The following CADM1 variants were observed in gnomAD, a reference collection of about 807,000 sequenced individuals.
The protein encoded by CADM1 is cell adhesion molecule 1.
A neutral mutation model predicts 53.1 loss-of-function variants in CADM1; 15 were observed. That is an observed-to-expected ratio of 0.28 (90% CI 0.19 to 0.44). The LOEUF (loss-of-function observed/expected upper bound fraction) is 0.44. Ranked by LOEUF, CADM1 falls within the 20% of genes least tolerant of loss-of-function variation. The pLI, the probability that CADM1 is intolerant of heterozygous loss-of-function variation, is 1.00. For missense variants in CADM1, 434 were observed against 611.3 expected, an observed-to-expected ratio of 0.71 and a Z score of 3.06; for synonymous variants, 281 against 243.0, an observed-to-expected ratio of 1.16 and a Z score of -1.45.
At position 115,453,367 on chromosome 11, in the gene CADM1, C is replaced by A. The variant is rs221315; in HGVS notation, c.124+50904G>T. ...GTGACAAGAGTGAAACCCTATACCCCCCTCGCCCCCAAAAAAAACCAAAAA... is the reference window on the plus strand; with the variant it reads ...GTGACAAGAGTGAAACCCTATACCCACCTCGCCCCCAAAAAAAACCAAAAA... On this transcript the variant is annotated intron_variant, in intron 1 of 11. Coordinates refer to ENST00000331581, the MANE Select transcript of CADM1 (RefSeq NM_001301043.2). 2.5e-3 allele frequency among the ~76,000 whole-genome samples: 373 copies of A among 147,730 alleles called. 1 individual carries two copies. The highest frequency in any genetic ancestry group is 8.3e-3 in the African/African-American group (338 of 40,752).
At chr11:115,362,552 T>A (rs76199325) in intron 1 of CADM1, among the ~76,000 whole-genome samples, 462 of 152,324 alleles carry the variant, frequency 3.0e-3, no homozygotes, top group African/African-American at 0.01. Context: ...AGAAATTTAC[T>A]TAAAACTGTT....
chr11:115,410,404 T>C (rs1455036486), intron 1 of CADM1, among the ~76,000 whole-genome samples: 1 of 152,190 alleles, frequency 6.6e-6, no homozygotes, highest in Non-Finnish European at 1.5e-5. Flanking sequence ...CTCTATAATG[T>C]TGTACCCTTG....
At chr11:115,202,055 G>C (rs1201253738) in intron 8 of CADM1, among the ~76,000 whole-genome samples, 1 of 152,002 alleles carries the variant, frequency 6.6e-6, no homozygotes, top group African/African-American at 2.4e-5. Context: ...TAGTCTCCTA[G>C]TCCTACAGTT....
intron 1 of CADM1, among the ~76,000 whole-genome samples, chr11:115,404,217 T>C (rs1217618551): frequency 6.8e-6 from 1 of 148,056 alleles, no homozygotes; most frequent in African/African-American, 2.5e-5. Context: ...TCCCAGATAC[T>C]TGGGAGGCTG....
At position 115,232,239 on chromosome 11, in the gene CADM1, C is replaced by T. The variant is rs561121718; in HGVS notation, c.425-749G>A. ...TTCAAATGAAAGATTCCAAAGTCAACGGAGCAAAGATAAAAATCTTTGAGT... is the reference window on the plus strand; with the variant it reads ...TTCAAATGAAAGATTCCAAAGTCAATGGAGCAAAGATAAAAATCTTTGAGT... On this transcript the variant is annotated intron_variant, in intron 3 of 11. Transcript: ENST00000331581. 1.4e-4 allele frequency among the ~76,000 whole-genome samples: 22 copies of T among 152,238 alleles called. No homozygotes were observed. The South Asian group carries it at 2.7e-3, about 19-fold the overall frequency.
At chr11:115,238,407 A>T in intron 3 of CADM1, 93 bp downstream of exon 3, 1 of 1,343,492 alleles carries the variant, frequency 7.4e-7, no homozygotes, top group Middle Eastern at 2.1e-4. Context: ...AACAAGTTTG[A>T]ACAGGAGAAT....
At chr11:115,191,770 C>T (rs1351933669) in intron 9 of CADM1, among the ~76,000 whole-genome samples, 1 of 152,184 alleles carries the variant, frequency 6.6e-6, no homozygotes, top group Non-Finnish European at 1.5e-5. Flanking sequence ...TATTTAATAA[C>T]ACAAAATGTT....
chr11:115,427,806 A>G (rs1947929212), intron 1 of CADM1, among the ~76,000 whole-genome samples: 1 of 152,010 alleles, frequency 6.6e-6, no homozygotes, highest in African/African-American at 2.4e-5. Context: ...CAGGAAATAA[A>G]GACCATCCTG....
intron 1 of CADM1, among the ~76,000 whole-genome samples, chr11:115,426,548 C>G (rs1393258095): frequency 6.6e-6 from 1 of 152,158 alleles, no homozygotes; most frequent in Non-Finnish European, 1.5e-5. Flanking sequence ...ATTTTGCCTC[C>G]AGATCCTCTT....
intron 1 of CADM1, among the ~76,000 whole-genome samples, chr11:115,423,263 A>C (rs1591216550): frequency 6.6e-6 from 1 of 152,274 alleles, no homozygotes; most frequent in South Asian, 2.1e-4. Flanking sequence ...GTATTTACAA[A>C]CCACAGTAAT....
chr11:115,240,227 T>G (rs776312374), intron 2 of CADM1, 47 bp downstream of exon 2: 1 of 1,590,366 alleles, frequency 6.3e-7, no homozygotes, highest in Non-Finnish European at 8.6e-7. Flanking sequence ...CAAGACAACA[T>G]GTAGGTAAAA....
At chr11:115,414,748 C>T (rs1328005771) in intron 1 of CADM1, among the ~76,000 whole-genome samples, 2 of 107,456 alleles carry the variant, frequency 1.9e-5, no homozygotes, top group Non-Finnish European at 3.7e-5. Context: ...AGAAAAATTG[C>T]CCTGGAAAAC....
chr11:115,181,093 C>T (rs1268805556), intron 10 of CADM1, among the ~76,000 whole-genome samples: 1 of 146,848 alleles, frequency 6.8e-6, no homozygotes, highest in Non-Finnish European at 1.5e-5. Context: ...GGGGAAGACA[C>T]TATCTTGTCC....
intron 1 of CADM1, among the ~76,000 whole-genome samples, chr11:115,376,851 C>G (rs1469767742): frequency 6.6e-6 from 1 of 152,174 alleles, no homozygotes; most frequent in Non-Finnish European, 1.5e-5. Flanking sequence ...TGGTGTCTCT[C>G]TGAGTCTCCA....
intron 1 of CADM1, among the ~76,000 whole-genome samples, chr11:115,501,827 T>C (rs1055926827): frequency 1.3e-5 from 2 of 152,158 alleles, no homozygotes; most frequent in African/African-American, 2.4e-5. Context: ...GAAAAGTCCC[T>C]TGGTGCCCAC....
intron 1 of CADM1, among the ~76,000 whole-genome samples, chr11:115,330,241 C>T (rs1303223990): frequency 1.3e-5 from 2 of 151,944 alleles, no homozygotes; most frequent in African/African-American, 2.4e-5. Context: ...ATTTTATCTA[C>T]TATAATTTTC....
At chr11:115,359,067 T>A (rs191448717) in intron 1 of CADM1, among the ~76,000 whole-genome samples, 45 of 152,320 alleles carry the variant, frequency 3.0e-4, no homozygotes, top group African/African-American at 1.1e-3. Flanking sequence ...CATACATGCA[T>A]TACCATCTTG....
intron 1 of CADM1, among the ~76,000 whole-genome samples, chr11:115,284,152 G>A (rs1943669155): frequency 7.2e-6 from 1 of 139,608 alleles, no homozygotes; most frequent in African/African-American, 2.8e-5. Context: ...GTGTGTGTGT[G>A]TGTATGGTGA....
At chr11:115,277,628 C>A (rs146056179) in intron 1 of CADM1, among the ~76,000 whole-genome samples, 1 of 152,280 alleles carries the variant, frequency 6.6e-6, no homozygotes, top group Non-Finnish European at 1.5e-5. Context: ...CATCCTCATG[C>A]TTGGTTCACA....
Sources: gnomAD v4.1 joint callset for allele counts (sites outside exome capture counted in the v4.1 genomes callset) on GRCh38, gnomAD v4.1.1 for gene constraint, MANE v1.5 for transcripts, NCBI Gene and HGNC (gene_info 2026-07-23, HGNC 2026-07-21) for gene names.